Variants in FAT2 observed in about 807,000 individuals in gnomAD.
The protein encoded by FAT2 is FAT atypical cadherin 2.
FAT2 carries 150 observed loss-of-function variants against 295.3 expected under a neutral mutation model. That is an observed-to-expected ratio of 0.51 (90% CI 0.44 to 0.58). The LOEUF is 0.58. FAT2 is among the 20% of genes least tolerant of loss of function. The pLI is 0.00. For synonymous variants in FAT2, 2,026 were observed against 2,150.3 expected, an observed-to-expected ratio of 0.94 and a Z score of 1.60; for missense variants, 4,868 against 5,442.7, an observed-to-expected ratio of 0.89 and a Z score of 3.32.
chr5:151,517,122 G>C (rs900253398), intron 20 of FAT2, among the ~76,000 whole-genome samples: 13 of 148,816 alleles, frequency 8.7e-5, no homozygotes, highest in African/African-American at 3.2e-4. Flanking sequence ...AAAAAAAAAA[G>C]AAAAAAGAAA....
chr5:151,591,549 A>G (rs13157373), upstream of FAT2, among the ~76,000 whole-genome samples: 41,097 of 152,064 alleles, frequency 0.27, 6,783 homozygotes, highest in Non-Finnish European at 0.36. Flanking sequence ...GGATAAACTG[A>G]GGCCCTGGAC....
chr5:151,571,309 C>G (rs10060662), intron 1 of FAT2, among the ~76,000 whole-genome samples: 66,733 of 151,790 alleles, frequency 0.44, 15,382 homozygotes, highest in Non-Finnish European at 0.52. Context: ...AGTTGAAACC[C>G]CAAGGGAAAG....
At position 151,531,615 on chromosome 5, in the gene FAT2, T is replaced by G. The variant is rs1476845586; in HGVS notation, c.9783A>C (p.Gln3261His). 2 of 1,613,026 alleles carry G rather than the reference T, an allele frequency of 1.2e-6. No individual in the cohort carries two copies. The highest frequency in any genetic ancestry group is 1.1e-5 in the South Asian group (1 of 91,024). Residue 3261 changes from glutamine (Q) to histidine (H), a missense_variant, in exon 14 of 24, where the codon CAA (glutamine) becomes CAC (histidine). Gln to His is a conservative substitution (Grantham distance 24, BLOSUM62 0). This residue lies in a region of FAT2 where 1,046 missense variants were observed against 1,210.1 expected (regional missense o/e 0.86). Coordinates refer to ENST00000261800, the MANE Select transcript of FAT2 (RefSeq NM_001447.3). This position sits in a 1 kb window ranked among gnomAD's most constrained non-coding sequence, Gnocchi z 5.7. ...TGCGAGCATCCAGGCGGAACCTGCC[T>G]TGCTCGTTCCCGCTGACCACGCGGT... ...TGYRVVSGNE[Q>H]GRFRLDARTG...
intron 10 of FAT2, 41 bp downstream of exon 10, chr5:151,542,244 G>T: frequency 6.6e-7 from 1 of 1,521,676 alleles, no homozygotes; most frequent in Non-Finnish European, 8.8e-7. Context: ...GATGTTTTTC[G>T]ATACATTCCA....
intron 1 of FAT2, among the ~76,000 whole-genome samples, chr5:151,571,442 C>T (rs960272836): frequency 2.4e-4 from 36 of 152,220 alleles, no homozygotes; most frequent in African/African-American, 6.0e-4. Flanking sequence ...GGTCAGCACC[C>T]GTGTTGGGCA....
intron 1 of FAT2, among the ~76,000 whole-genome samples, chr5:151,569,837 A>C (rs1216910424): frequency 6.6e-6 from 1 of 152,226 alleles, no homozygotes; most frequent in Non-Finnish European, 1.5e-5. Context: ...CTGTTTCCGC[A>C]CATGCAGAGG....
At chr5:151,587,863 A>G (rs1420478748) in intron 1 of FAT2, among the ~76,000 whole-genome samples, 1 of 152,254 alleles carries the variant, frequency 6.6e-6, no homozygotes, top group Non-Finnish European at 1.5e-5. Flanking sequence ...TGATGTGGGC[A>G]GTTGTGCAGA....
At chr5:151,577,677 C>T (rs1165148752) in intron 1 of FAT2, among the ~76,000 whole-genome samples, 2 of 152,022 alleles carry the variant, frequency 1.3e-5, no homozygotes, top group Non-Finnish European at 2.9e-5. Context: ...AAGAGAGTTC[C>T]AGACAGAACA....
In FAT2 at chr5:151,563,504, T is replaced by C. The variant is rs766201781; in HGVS notation, c.3395A>G (p.Asp1132Gly). 1 of 1,614,130 alleles carries C rather than the reference T, an allele frequency of 6.2e-7. No homozygotes were observed. The highest frequency in any genetic ancestry group is 8.5e-7 in the Non-Finnish European group (1 of 1,180,032). ...AGCTTGGGACATCTGGGGTGGGTTGTCATTGGCATCCGTAACCTCGATGTA... is the reference window on the plus strand; with the variant it reads ...AGCTTGGGACATCTGGGGTGGGTTGCCATTGGCATCCGTAACCTCGATGTA... Reference protein sequence around the residue: ...EVYIEVTDANDNPPQMSQAVF... With the variant: ...EVYIEVTDANGNPPQMSQAVF... The change falls in exon 3 of 24, where the codon GAC (aspartate) becomes GGC (glycine). Residue 1132 changes from aspartate (D) to glycine (G), a missense_variant. Transcript: ENST00000261800.
chr5:151,521,555 C>T lies in FAT2; in HGVS notation c.11038G>A (p.Val3680Met). ...SLQPAEAVAG[V>M]DVLLVFEGHS... is the part of the protein sequence containing the mutation. ...CCCTCAAAGACCAGGAGCACATCCA[C>T]ACCAGCCACGGCCTCTGCAGGCTGG... Residue 3680 changes from valine (V) to methionine (M), a missense_variant, in exon 19 of 24, where the codon GTG (valine) becomes ATG (methionine). Around this residue, in one of 5 missense-constraint regions of FAT2, gnomAD observed 1,046 missense variants for 1,210.1 expected, o/e 0.86. Coordinates refer to ENST00000261800, the MANE Select transcript of FAT2 (RefSeq NM_001447.3). The T allele has an allele frequency of 3.1e-6, 5 of 1,614,232 alleles. No individual in the cohort carries two copies. The highest frequency in any genetic ancestry group is 4.2e-6 in the Non-Finnish European group (5 of 1,180,040).
At position 151,543,817 on chromosome 5, in the gene FAT2, G is replaced by T. The variant is rs1756383363; in HGVS notation, c.7310C>A (p.Ser2437Tyr). The T allele has an allele frequency of 6.2e-7, 1 of 1,613,944 alleles. No homozygotes were observed. The highest frequency in any genetic ancestry group is 8.5e-7 in the Non-Finnish European group (1 of 1,180,008). ...GTGCTTTTTGCAAAGGTTGAACATAGAAATTATTCCCGATGAGCTGTTAAT... is the reference window on the plus strand; with the variant it reads ...GTGCTTTTTGCAAAGGTTGAACATATAAATTATTCCCGATGAGCTGTTAAT... ...FFINSSSGII[S>Y]MFNLCKKHLD... Residue 2437 changes from serine (S) to tyrosine (Y), a missense_variant, in exon 10 of 24, where the codon TCT (serine) becomes TAT (tyrosine). Physicochemically the swap from Ser to Tyr is moderately radical, Grantham distance 144. Coordinates refer to ENST00000261800, the MANE Select transcript of FAT2 (RefSeq NM_001447.3).
intron 1 of FAT2, among the ~76,000 whole-genome samples, chr5:151,588,224 G>A (rs909999681): frequency 6.6e-5 from 10 of 152,296 alleles, no homozygotes; most frequent in African/African-American, 2.4e-4. Context: ...ACAATCCAGA[G>A]ATCAACCTCA....
At position 151,528,258 on chromosome 5, in the gene FAT2, T is replaced by C. The variant is rs11743288; in HGVS notation, c.10027-125A>G. Reference sequence around the variant, plus strand: ...GGGCTAGCAGTGCCTGGATCACAGTTGTCCCTGCCAAAGTAATCTCTTCAC... The same window carrying C: ...GGGCTAGCAGTGCCTGGATCACAGTCGTCCCTGCCAAAGTAATCTCTTCAC... On this transcript the variant is annotated intron_variant, in intron 15 of 23. Coordinates refer to ENST00000261800, the MANE Select transcript of FAT2 (RefSeq NM_001447.3). 757,026 of 1,119,136 alleles carry C rather than the reference T, an allele frequency of 0.68. 259,390 individuals are homozygous for C. Among genetic ancestry groups the C allele is most frequent in the East Asian group, 0.89 (36,660 of 41,248 alleles). The allele number at this position is 1,119,136 out of a possible 1,614,324, so 69.3% of individuals were successfully genotyped here.
At chr5:151,585,869 T>A (rs1759148588) in intron 1 of FAT2, among the ~76,000 whole-genome samples, 1 of 152,224 alleles carries the variant, frequency 6.6e-6, no homozygotes, top group Admixed American at 6.5e-5. Flanking sequence ...GTGCCGACTA[T>A]GCTAAACACT....
At position 151,568,601 on chromosome 5, in the gene FAT2, C is replaced by T. The variant is rs751812178; in HGVS notation, c.331G>A (p.Val111Met). ...ATGATGAGGGTGTAGCTGTCTCGCA[C>T]CTCTCTGTTCAGAAGAGCTGTGTTG... Reference protein sequence around the residue: ...SSNTALLNREVRDSYTLIIQA... With the variant: ...SSNTALLNREMRDSYTLIIQA... The change falls in exon 2 of 24, where the codon GTG (valine) becomes ATG (methionine). Residue 111 changes from valine (V) to methionine (M), a missense_variant. Transcript: ENST00000261800. 6.2e-6 allele frequency: 10 copies of T among 1,614,150 alleles called. No individual in the cohort carries two copies. Among genetic ancestry groups the T allele is most frequent in the Non-Finnish European group, 8.5e-7 (1 of 1,180,026 alleles).
At chr5:151,588,278 G>GC (rs1156572661) in intron 1 of FAT2, among the ~76,000 whole-genome samples, 8 of 152,284 alleles carry the variant, frequency 5.3e-5, no homozygotes, top group African/African-American at 1.7e-4. Flanking sequence ...GAGCCAACTG[G>GC]CCTTCAAGAC....
chr5:151,575,261 T>C (rs1025752615), intron 1 of FAT2, among the ~76,000 whole-genome samples: 2 of 152,344 alleles, frequency 1.3e-5, no homozygotes, highest in African/African-American at 4.8e-5. Flanking sequence ...TGACAAAAAT[T>C]ATTCTGTCTT....
chr5:151,578,378 G>T (rs1299960496), intron 1 of FAT2, among the ~76,000 whole-genome samples: 1 of 152,184 alleles, frequency 6.6e-6, no homozygotes, highest in Admixed American at 6.6e-5. Flanking sequence ...TGATCTCTGA[G>T]CCTATGTTTT....
chr5:151,518,909 A>G (rs1753159257), intron 19 of FAT2, among the ~76,000 whole-genome samples: 1 of 152,184 alleles, frequency 6.6e-6, no homozygotes, highest in Admixed American at 6.5e-5. Context: ...CAGTGTAAAT[A>G]AGCTTGTCAG....
Sources: allele counts gnomAD v4.1 joint callset (sites outside exome capture counted in the v4.1 genomes callset), GRCh38; gene constraint gnomAD v4.1.1; regional missense constraint gnomAD v4.1.1; non-coding constraint Gnocchi (gnomAD v3.1); transcripts MANE v1.5; gene names NCBI Gene and HGNC (gene_info 2026-07-23, HGNC 2026-07-21).